The following ASMTL variants were observed in gnomAD, a reference collection of about 807,000 sequenced individuals.
ASMTL encodes acetylserotonin O-methyltransferase like.
A neutral mutation model predicts 60.3 loss-of-function variants in ASMTL; 57 were observed. That is an observed-to-expected ratio of 0.95 (90% CI 0.76 to 1.18). The LOEUF (loss-of-function observed/expected upper bound fraction) is 1.18, where lower values mean the gene tolerates loss of function less well. Among genes scored for constraint, ASMTL ranks in the 50% most tolerant of loss-of-function variants. ASMTL has a pLI of 0.00. For missense variants in ASMTL, 981 were observed against 852.6 expected (o/e 1.15, Z -1.88); for synonymous variants, 419 against 373.0 (o/e 1.12, Z -1.42).
intron 1 of ASMTL, among the ~76,000 whole-genome samples, chrX:1,451,862 G>T (rs1484335411): frequency 7.3e-5 from 10 of 137,670 alleles, no homozygotes; most frequent in African/African-American, 2.8e-4. Flanking sequence ...GGGGCTCCGG[G>T]GTCACTCTGC....
intron 1 of ASMTL, among the ~76,000 whole-genome samples, chrX:1,449,260 C>G (rs2091297093): frequency 6.6e-6 from 1 of 151,946 alleles, no homozygotes; most frequent in South Asian, 2.1e-4. Flanking sequence ...CGTCTTTCTT[C>G]CACTCTTCTA....
In ASMTL at chrX:1,414,469, A is replaced by T. The variant is rs141080930; in HGVS notation, c.1523-1615T>A. ...CGGGGTGTAATCCCAGCACTTTGGG[A>T]GGCCAAGACGGGTGGATGACCTGAG... On this transcript the variant is annotated intron_variant, in intron 11 of 12. Transcript: ENST00000381317. Among the ~76,000 whole-genome samples the T allele has an allele frequency of 2.2e-4, 34 of 152,224 alleles. No homozygotes were observed. The East Asian group carries it at 6.6e-3, about 30-fold the overall frequency.
intron 5 of ASMTL, among the ~76,000 whole-genome samples, chrX:1,434,706 G>C (rs1234319339): frequency 6.7e-5 from 10 of 149,540 alleles, no homozygotes; most frequent in Admixed American, 6.1e-4. Flanking sequence ...GAGGCAGAAG[G>C]ATCACTTGAA....
At chrX:1,439,737 G>A (rs1311241106) in intron 2 of ASMTL, among the ~76,000 whole-genome samples, 1 of 151,300 alleles carries the variant, frequency 6.6e-6, no homozygotes, top group Non-Finnish European at 1.5e-5. Flanking sequence ...TCAGGAGGCT[G>A]AGGCAGCAGA....
At chrX:1,437,818 A>C (rs779509085) in intron 3 of ASMTL, among the ~76,000 whole-genome samples, 49 of 150,468 alleles carry the variant, frequency 3.3e-4, no homozygotes, top group Non-Finnish European at 6.4e-4. Context: ...AATCATTGAA[A>C]CCCGGGAGGC....
In ASMTL at chrX:1,412,732, C is replaced by T. The variant is rs1330596203; in HGVS notation, c.1645G>A (p.Gly549Arg). Residue 549 changes from glycine to arginine, a missense_variant and splice_region_variant, in exon 12 of 13, where the codon GGG becomes AGG. By Grantham distance (125) the Gly-to-Arg change is moderately radical. Transcript: ENST00000381317. Reference sequence around the variant, plus strand: ...AGCTAACCTGACGATGGGCTCTCACCTGGCTTGCAGCTCTCGGCGACCCTG... The same window carrying T: ...AGCTAACCTGACGATGGGCTCTCACTTGGCTTGCAGCTCTCGGCGACCCTG... ...LSRVAESCKP[G>R]AGLLLVETLL... 3 of 1,613,996 alleles carry T rather than the reference C, an allele frequency of 1.9e-6. No individual in the cohort carries two copies. Among genetic ancestry groups the T allele is most frequent in the Non-Finnish European group, 1.7e-6 (2 of 1,179,852 alleles).
At chrX:1,444,131 A>G (rs2091182381) in intron 1 of ASMTL, among the ~76,000 whole-genome samples, 1 of 151,624 alleles carries the variant, frequency 6.6e-6, no homozygotes, top group South Asian at 2.1e-4. Flanking sequence ...CCCGCAATCA[A>G]TTTTCCCTCA....
chrX:1,403,469 C>A lies in ASMTL; in HGVS notation c.1666G>T (p.Glu556Ter). The A allele has an allele frequency of 1.2e-6, 2 of 1,613,018 alleles. No individual in the cohort carries two copies. The highest frequency in any genetic ancestry group is 1.7e-6 in the Non-Finnish European group (2 of 1,179,846). The change falls in exon 13 of 13, where the codon GAG becomes TAG. Residue 556 changes from glutamate to a stop codon, truncating the protein, a stop_gained. Transcript: ENST00000381317. LOFTEE classifies it low-confidence loss of function (END_TRUNC). ...CTCTTCTCCTCATCCAGGAGCGTCT[C>A]CACCAGCAGCAGGCCGGCCCCTGAG... ...CKPGAGLLLV[E>*]TLLDEEKRVA...
intron 1 of ASMTL, among the ~76,000 whole-genome samples, chrX:1,447,216 C>G (rs1245348981): frequency 6.6e-6 from 1 of 152,236 alleles, no homozygotes; most frequent in African/African-American, 2.4e-5. Context: ...CACACCACCC[C>G]TCGTCCTGTT....
chrX:1,422,038 A>T (rs1203172854), intron 8 of ASMTL, among the ~76,000 whole-genome samples, 196 bp from the exon 9 acceptor site: 5 of 152,150 alleles, frequency 3.3e-5, no homozygotes, highest in African/African-American at 1.2e-4. Context: ...GACTATAGCA[A>T]ACTGTACACT....
intron 5 of ASMTL, among the ~76,000 whole-genome samples, chrX:1,432,771 G>A (rs1173873482): frequency 6.6e-6 from 1 of 152,174 alleles, no homozygotes; most frequent in African/African-American, 2.4e-5. Context: ...GCAGGTTGCA[G>A]TGAGCCGAGA....
At chrX:1,418,147 T>C (rs1175099181) in intron 10 of ASMTL, 31 bp from the exon 11 acceptor site, 1 of 1,567,506 alleles carries the variant, frequency 6.4e-7, no homozygotes, top group South Asian at 1.2e-5. Flanking sequence ...GCTCTGTGGC[T>C]GGGTCGTCTA....
At chrX:1,412,643 G>T in intron 12 of ASMTL, 89 bp downstream of exon 12, 2 of 1,575,204 alleles carry the variant, frequency 1.3e-6, no homozygotes, top group Non-Finnish European at 1.7e-6. Flanking sequence ...GATGACAGGC[G>T]TGAGCCACCG....
At chrX:1,448,367 T>C (rs1371394605) in intron 1 of ASMTL, among the ~76,000 whole-genome samples, 2 of 145,408 alleles carry the variant, frequency 1.4e-5, no homozygotes, top group Non-Finnish European at 3.0e-5. Flanking sequence ...CATAACACCA[T>C]CTTGGACAAG....
upstream of ASMTL, chrX:1,452,932 T>TCCCGCCTCCGCGAGGCCACGCCCCCG (rs750177264): frequency 1.5e-3 from 1,605 of 1,044,282 alleles, 48 homozygotes; most frequent in East Asian, 0.045. Flanking sequence ...GCGGCCAGAG[T>TCCCGCCTCCGCGAGGCCACGCCCCCG]CCCGCCTCCG....
chrX:1,446,981 T>C (rs868853280), intron 1 of ASMTL, among the ~76,000 whole-genome samples: 2 of 152,232 alleles, frequency 1.3e-5, no homozygotes, highest in African/African-American at 4.8e-5. Context: ...ATGTTTTGCA[T>C]TCTTTTCCTT....
chrX:1,449,421 C>T (rs1165787644), intron 1 of ASMTL, among the ~76,000 whole-genome samples: 2 of 151,836 alleles, frequency 1.3e-5, no homozygotes, highest in African/African-American at 2.4e-5. Flanking sequence ...TGCCCTGTCA[C>T]CCCCAATCAT....
Position 1,435,073 on chromosome X carries a change from T to C in ASMTL, c.349A>G (p.Arg117Gly). The change falls in exon 5 of 13, where the codon AGA becomes GGA. Residue 117 changes from arginine to glycine, a missense_variant. Arg to Gly is a moderately radical substitution (Grantham distance 125, BLOSUM62 -2). Transcript: ENST00000381317. ...ACACCTGTGAACACGCTGTGTTCTC[T>C]CCCACTCAACCTGTAAGACAACAAC... ...AYRMLSRLSGREHSVFTGVAI... is the reference protein window; with the variant it reads ...AYRMLSRLSGGEHSVFTGVAI... 6.2e-7 allele frequency: 1 copy of C among 1,613,926 alleles called. No individual in the cohort carries two copies. The highest frequency in any genetic ancestry group is 8.5e-7 in the Non-Finnish European group (1 of 1,179,838).
chrX:1,418,992 G>A lies in ASMTL; in HGVS notation c.1368C>T (p.Cys456=), dbSNP rs111977740. 4.1e-3 allele frequency: 6,632 copies of A among 1,611,820 alleles called. 179 individuals are homozygous for A. In the African/African-American group the frequency reaches 0.069, roughly 17 times the overall value. Residue 456 remains cysteine (C), a synonymous_variant, in exon 10 of 13, where the codon TGC becomes TGT. Coordinates refer to ENST00000381317, the MANE Select transcript of ASMTL (RefSeq NM_004192.4). ...AFNLSRFSSA[C]DVGGCTGALA... Reference sequence around the variant, plus strand: ...GGGGGGGCCACCCACCTCCCACGTCGCAGGCGGAGGAGAAGCGGGACAGAT... The same window carrying A: ...GGGGGGGCCACCCACCTCCCACGTCACAGGCGGAGGAGAAGCGGGACAGAT...
Sources: allele counts gnomAD v4.1 joint callset (sites outside exome capture counted in the v4.1 genomes callset), GRCh38; gene constraint gnomAD v4.1.1; transcripts MANE v1.5; gene names NCBI Gene and HGNC (gene_info 2026-07-23, HGNC 2026-07-21).